LINC00237: variants seen among roughly 807,000 people sequenced by gnomAD.
The protein encoded by LINC00237 is long intergenic non-protein coding RNA 237.
At chr20:21,092,527 A>C (rs2030806040) in intron 2 of LINC00237, among the ~76,000 whole-genome samples, 1 of 152,218 alleles carries the variant, frequency 6.6e-6, no homozygotes, top group South Asian at 2.1e-4. Flanking sequence ...GCCAATTGTT[A>C]TAACCAGATC....
intron 3 of LINC00237, among the ~76,000 whole-genome samples, chr20:21,086,688 T>TGTATAGTATACTAC (rs2030708087): frequency 1.8e-5 from 2 of 113,182 alleles, no homozygotes; most frequent in Admixed American, 1.8e-4. Context: ...ATACTACATA[T>TGTATAGTATACTAC]ACATATGTAG....
intron 1 of LINC00237, among the ~76,000 whole-genome samples, chr20:21,097,413 T>A (rs1425919107): frequency 6.6e-6 from 1 of 152,144 alleles, no homozygotes; most frequent in Non-Finnish European, 1.5e-5. Context: ...AAATGAATTG[T>A]TTATTGGAAA....
Position 21,101,205 on chromosome 20 carries a change from C to T in LINC00237, n.88+5066G>A, listed in dbSNP as rs571911896. The stretch of plus-strand genomic sequence containing the variant: ...GAGAACACGGTTACAGCCCCTCGGC[C>T]GGGAATCCGACAGGGGAACAAAACG... On this transcript the variant is annotated intron_variant and non_coding_transcript_variant, in intron 1 of 3. Coordinates refer to ENST00000691244, the Ensembl canonical transcript of LINC00237. This position sits in a 1 kb window ranked among gnomAD's most constrained non-coding sequence, Gnocchi z 4.3. Among the ~76,000 whole-genome samples, 11 of 152,198 alleles carry T rather than the reference C, an allele frequency of 7.2e-5. No homozygotes were observed. The highest frequency in any genetic ancestry group is 1.5e-4 in the Non-Finnish European group (10 of 68,034).
exon 3 of LINC00237, chr20:21,087,961 A>G (rs945555019): frequency 1.3e-5 from 2 of 152,198 alleles, no homozygotes; most frequent in Non-Finnish European, 2.9e-5. Flanking sequence ...CTTCTTCTTT[A>G]GTAAAATAAT....
intron 2 of LINC00237, among the ~76,000 whole-genome samples, chr20:21,091,223 C>A (rs907109200): frequency 2.0e-5 from 3 of 152,118 alleles, no homozygotes; most frequent in East Asian, 3.8e-4. Context: ...GTAACCCACA[C>A]AATTTGCAAT....
At chr20:21,086,690 C>CTATATATGTATAATATACTATAA (rs1568883498) in intron 3 of LINC00237, among the ~76,000 whole-genome samples, 1 of 4,456 alleles carries the variant, frequency 2.2e-4, no homozygotes, top group South Asian at 9.6e-3. Context: ...ACTACATATA[C>CTATATATGTATAATATACTATAA]ATATGTAGTA....
intron 3 of LINC00237, among the ~76,000 whole-genome samples, chr20:21,086,525 A>G (rs8118908): frequency 0.22 from 30,931 of 142,660 alleles, 4,635 homozygotes; most frequent in African/African-American, 0.42. Flanking sequence ...ATATAGATAC[A>G]TATCTATATA....
intron 1 of LINC00237, among the ~76,000 whole-genome samples, chr20:21,097,895 A>T (rs1267285042): frequency 6.6e-6 from 1 of 152,178 alleles, no homozygotes; most frequent in Non-Finnish European, 1.5e-5. Context: ...GCTTTTCTGG[A>T]GAGGGCTCAT....
At chr20:21,091,045 G>A (rs1600310617) in intron 2 of LINC00237, among the ~76,000 whole-genome samples, 1 of 151,092 alleles carries the variant, frequency 6.6e-6, no homozygotes, top group Middle Eastern at 3.4e-3. Flanking sequence ...GTGTAAATGT[G>A]CGTGTGTGTG....
intron 2 of LINC00237, among the ~76,000 whole-genome samples, chr20:21,091,061 G>C (rs1175504264): frequency 7.9e-6 from 1 of 126,064 alleles, no homozygotes; most frequent in African/African-American, 3.8e-5. Flanking sequence ...GTGTGTGTGC[G>C]TGTGTGTGTG....
intron 2 of LINC00237, among the ~76,000 whole-genome samples, chr20:21,090,678 T>A (rs2030780289): frequency 6.6e-6 from 1 of 152,160 alleles, no homozygotes. Flanking sequence ...AAAAGTCCTC[T>A]TCAGGGGAGA....
chr20:21,105,176 C>T (rs2030982700), intron 1 of LINC00237, among the ~76,000 whole-genome samples: 1 of 152,220 alleles, frequency 6.6e-6, no homozygotes, highest in South Asian at 2.1e-4. Flanking sequence ...TGCCATTTCC[C>T]AGCTGAAAAT....
chr20:21,087,429 C>A (rs1480803334), intron 3 of LINC00237, among the ~76,000 whole-genome samples: 1 of 151,996 alleles, frequency 6.6e-6, no homozygotes, highest in East Asian at 1.9e-4. Flanking sequence ...CATTGTCAGA[C>A]AGGTCTCTAT....
At chr20:21,086,771 A>G (rs2122164393) in intron 3 of LINC00237, among the ~76,000 whole-genome samples, 1 of 121,674 alleles carries the variant, frequency 8.2e-6, no homozygotes, top group Admixed American at 8.7e-5. Flanking sequence ...CATATACTAT[A>G]CTATACATGT....
intron 2 of LINC00237, chr20:21,089,740 CTG>C (rs1450981514): frequency 1.3e-5 from 2 of 152,180 alleles, no homozygotes; most frequent in Non-Finnish European, 2.9e-5. Context: ...AATGTTTAGT[CTG>C]TGGTTTTGTG....
intron 1 of LINC00237, among the ~76,000 whole-genome samples, chr20:21,105,568 C>T (rs1448996345): frequency 6.6e-6 from 1 of 152,204 alleles, no homozygotes. Context: ...GGCCCCCTCA[C>T]CCGGCGAGGG....
At chr20:21,092,524 G>A (rs1057287782) in intron 2 of LINC00237, among the ~76,000 whole-genome samples, 2 of 152,194 alleles carry the variant, frequency 1.3e-5, no homozygotes, top group Non-Finnish European at 1.5e-5. Flanking sequence ...TCTGCCAATT[G>A]TTATAACCAG....
At chr20:21,091,179 T>TCA (rs113867216) in intron 2 of LINC00237, among the ~76,000 whole-genome samples, 6 of 151,330 alleles carry the variant, frequency 4.0e-5, no homozygotes, top group Admixed American at 2.0e-4. Flanking sequence ...TCACTCACAC[T>TCA]CACACACACA....
Position 21,085,970 on chromosome 20 carries a change from C to T in LINC00237, n.560-82G>A, listed in dbSNP as rs541114686. On this transcript the variant is annotated intron_variant and non_coding_transcript_variant, in intron 3 of 3. Transcript: ENST00000691244. Reference sequence around the variant, plus strand: ...TCAGCTCCCTTTAACCCTCAAGACCCACAGGGGTGACGTGGAGATTAGCCC... The same window carrying T: ...TCAGCTCCCTTTAACCCTCAAGACCTACAGGGGTGACGTGGAGATTAGCCC... Among the ~76,000 whole-genome samples the T allele has an allele frequency of 3.9e-4, 60 of 152,278 alleles. 1 individual carries two copies. Among genetic ancestry groups the T allele is most frequent in the African/African-American group, 1.3e-3 (56 of 41,552 alleles).
Sources: gnomAD v4.1 joint callset for allele counts (sites outside exome capture counted in the v4.1 genomes callset) on GRCh38, gnomAD v4.1.1 for gene constraint, Gnocchi (gnomAD v3.1) non-coding constraint, MANE v1.5 for transcripts, NCBI Gene and HGNC (gene_info 2026-07-23, HGNC 2026-07-21) for gene names.